The following CEPT1 variants were observed in gnomAD, a reference collection of about 807,000 sequenced individuals.
The protein encoded by CEPT1 is choline/ethanolaminephosphotransferase 1.
Under a neutral mutation model 42.6 loss-of-function variants are expected in CEPT1, and 7 were observed. The ratio of observed to expected loss-of-function variants is 0.16; its 90% CI spans 0.09 to 0.31. The LOEUF is 0.31. Among genes scored for constraint, CEPT1 ranks in the 10% least tolerant of loss-of-function variants. The pLI is 1.00. For synonymous variants in CEPT1, 171 were observed against 171.9 expected, an observed-to-expected ratio of 0.99 and a Z score of 0.04; for missense variants, 306 against 502.1, an observed-to-expected ratio of 0.61 and a Z score of 3.73.
intron 4 of CEPT1, among the ~76,000 whole-genome samples, chr1:111,171,393 T>C (rs1375463656): frequency 1.3e-5 from 2 of 152,192 alleles, no homozygotes; most frequent in Non-Finnish European, 2.9e-5. Flanking sequence ...TCTGTTCCCT[T>C]GTTTAAAAGT....
chr1:111,154,933 T>G lies in CEPT1; in HGVS notation c.340-4447T>G, dbSNP rs556393371. Among the ~76,000 whole-genome samples, 168 of 152,344 alleles carry G rather than the reference T, an allele frequency of 1.1e-3. No homozygotes were observed. In the Middle Eastern group the frequency reaches 0.017, roughly 15 times the overall value. On this transcript the variant is annotated intron_variant, in intron 2 of 8. Coordinates refer to ENST00000357172, the MANE Select transcript of CEPT1 (RefSeq NM_006090.5). ...TTGTATCTGTGTTCATCAGTAATACTGGCTTGTGGTTTTCTTCTTTTATTG... is the reference window on the plus strand; with the variant it reads ...TTGTATCTGTGTTCATCAGTAATACGGGCTTGTGGTTTTCTTCTTTTATTG...
chr1:111,184,194 TTC>T lies in CEPT1; in HGVS notation c.1139_1140del (p.Ser380PhefsTer3). The T allele has an allele frequency of 6.2e-7, 1 of 1,613,404 alleles. No homozygotes were observed. The highest frequency in any genetic ancestry group is 8.5e-7 in the Non-Finnish European group (1 of 1,179,484). Reference sequence around the variant, plus strand: ...AGAATGTCTCTTTTCTTTCCAGGTTTTCTCTTTCTTTGATTTGATCCGCTACT... The same window carrying T: ...AGAATGTCTCTTTTCTTTCCAGGTTTTCTTTCTTTGATTTGATCCGCTACT... ...EYIVLWIALV[F>X]SFFDLIRYCV... On this transcript the variant is annotated frameshift_variant, in exon 9 of 9. Transcript: ENST00000357172. LOFTEE classifies it high-confidence loss of function.
intron 2 of CEPT1, among the ~76,000 whole-genome samples, chr1:111,152,864 T>C (rs1165803686): frequency 6.6e-6 from 1 of 152,202 alleles, no homozygotes; most frequent in Non-Finnish European, 1.5e-5. Context: ...GATTGACACA[T>C]AATAATTATA....
At chr1:111,155,276 A>G (rs1655499591) in intron 2 of CEPT1, among the ~76,000 whole-genome samples, 1 of 152,058 alleles carries the variant, frequency 6.6e-6, no homozygotes, top group Non-Finnish European at 1.5e-5. Flanking sequence ...ATAGTTGTTC[A>G]TGACAACCTC....
intron 4 of CEPT1, among the ~76,000 whole-genome samples, chr1:111,161,878 TGAAG>T (rs1310668832): frequency 6.6e-6 from 1 of 152,214 alleles, no homozygotes; most frequent in Non-Finnish European, 1.5e-5. Context: ...GTGTGGGAAC[TGAAG>T]GAAGGAAAGA....
At chr1:111,154,187 GTATTT>G (rs201981261) in intron 2 of CEPT1, among the ~76,000 whole-genome samples, 25,895 of 130,464 alleles carry the variant, frequency 0.2, 2,657 homozygotes, top group Middle Eastern at 0.24. Flanking sequence ...TTATTCCCAA[GTATTT>G]TATTTTATTT....
intron 1 of CEPT1, among the ~76,000 whole-genome samples, chr1:111,144,241 G>T (rs899185635): frequency 7.2e-5 from 11 of 152,182 alleles, no homozygotes; most frequent in Non-Finnish European, 1.5e-4. Context: ...TCTCAGATAT[G>T]ATGGAAGGAA....
At chr1:111,139,650 T>C (rs1477625210), upstream of CEPT1, 1 of 152,194 alleles carries the variant, frequency 6.6e-6, no homozygotes, top group East Asian at 1.9e-4. Flanking sequence ...CGTTTGAGGA[T>C]CTCCGCTCCG....
At chr1:111,177,343 C>T (rs190173921) in intron 5 of CEPT1, among the ~76,000 whole-genome samples, 37 of 152,170 alleles carry the variant, frequency 2.4e-4, no homozygotes, top group Admixed American at 1.4e-3. Flanking sequence ...TGTGCACCTA[C>T]GTTTTGACCT....
chr1:111,171,336 G>C (rs1467148898), intron 4 of CEPT1, among the ~76,000 whole-genome samples: 1 of 152,158 alleles, frequency 6.6e-6, no homozygotes, highest in Non-Finnish European at 1.5e-5. Context: ...TAAGCTTTTT[G>C]TAGTGACGAA....
chr1:111,141,140 T>G (rs912197721), intron 1 of CEPT1, among the ~76,000 whole-genome samples: 2 of 152,238 alleles, frequency 1.3e-5, no homozygotes, highest in African/African-American at 4.8e-5. Context: ...TAGTGTCTCG[T>G]CTTGTATGTG....
At position 111,159,007 on chromosome 1, in the gene CEPT1, G is replaced by A. The variant is rs559744733; in HGVS notation, c.340-373G>A. On this transcript the variant is annotated intron_variant, in intron 2 of 8. Coordinates refer to ENST00000357172, the MANE Select transcript of CEPT1 (RefSeq NM_006090.5). ...CGGCTCACTGCAAGCTCCGCCTCCC[G>A]GGTTCACGCCATTCTCCTGCCTCAG... 3.8e-5 allele frequency among the ~76,000 whole-genome samples: 5 copies of A among 130,144 alleles called. 1 individual carries two copies. The highest frequency in any genetic ancestry group is 4.9e-4 in the East Asian group (2 of 4,048). The allele number at this position is 130,144 out of a possible 152,430, so 85.4% of individuals were successfully genotyped here. A position where few individuals can be genotyped will look rare whatever the true frequency, so the allele number is the denominator to read the frequency against.
chr1:111,184,454 C>G lies in CEPT1; in HGVS notation c.*144C>G, dbSNP rs945349677. ...TATTCTTTATTATTGGTAACACGCCCTAACTATCCTGTGTGAGAATGGGAA... is the reference window on the plus strand; with the variant it reads ...TATTCTTTATTATTGGTAACACGCCGTAACTATCCTGTGTGAGAATGGGAA... On this transcript the variant is annotated 3_prime_UTR_variant, in exon 9 of 9. Coordinates refer to ENST00000357172, the MANE Select transcript of CEPT1 (RefSeq NM_006090.5). 3.5e-5 allele frequency: 20 copies of G among 567,984 alleles called. No individual in the cohort carries two copies. In the African/African-American group the frequency reaches 3.7e-4, roughly 10 times the overall value. 35.2% of individuals were successfully genotyped at this position (567,984 alleles called of 1,614,324 possible). A position where few individuals can be genotyped will look rare whatever the true frequency, so the allele number is the denominator to read the frequency against.
intron 2 of CEPT1, among the ~76,000 whole-genome samples, chr1:111,156,385 T>C (rs1215378371): frequency 1.3e-5 from 2 of 152,218 alleles, no homozygotes; most frequent in African/African-American, 4.8e-5. Context: ...TCTGCAGCTA[T>C]GGAATGAAAT....
intron 6 of CEPT1, 110 bp from the exon 7 acceptor site, chr1:111,182,689 A>G: frequency 1.0e-6 from 1 of 962,198 alleles, no homozygotes; most frequent in Non-Finnish European, 1.5e-6. Context: ...CCTATCAGGC[A>G]CCATGAGGTT....
chr1:111,161,416 T>G (rs1454335073), intron 4 of CEPT1, 120 bp downstream of exon 4: 2 of 939,984 alleles, frequency 2.1e-6, no homozygotes, highest in Non-Finnish European at 3.1e-6. Context: ...AATTAAAAAA[T>G]TTATGCTTCA....
intron 3 of CEPT1, 163 bp downstream of exon 3, chr1:111,159,690 T>C (rs1197538872): frequency 4.0e-6 from 2 of 503,554 alleles, no homozygotes; most frequent in East Asian, 7.5e-5. Flanking sequence ...TCATTATTGG[T>C]AGTGTTAGGA....
At chr1:111,155,240 G>C (rs993552127) in intron 2 of CEPT1, among the ~76,000 whole-genome samples, 1 of 151,932 alleles carries the variant, frequency 6.6e-6, no homozygotes, top group Admixed American at 6.6e-5. Flanking sequence ...TATCTACTTC[G>C]TCTAGGTTTT....
At chr1:111,148,196 G>T (rs376967598) in intron 2 of CEPT1, 143 bp downstream of exon 2, 4 of 670,084 alleles carry the variant, frequency 6.0e-6, no homozygotes, top group South Asian at 1.9e-5. Flanking sequence ...GATAAAGCTT[G>T]TAAGTACAGC....
Sources: allele counts gnomAD v4.1 joint callset (sites outside exome capture counted in the v4.1 genomes callset), GRCh38; gene constraint gnomAD v4.1.1; transcripts MANE v1.5; gene names NCBI Gene and HGNC (gene_info 2026-07-23, HGNC 2026-07-21).